Variants in ASPRV1 observed in about 807,000 individuals in gnomAD.
The protein encoded by ASPRV1 is aspartic peptidase retroviral like 1, also known as retroviral-like aspartic protease 1.
A neutral mutation model predicts 11.0 loss-of-function variants in ASPRV1; 7 were observed. The ratio of observed to expected loss-of-function variants is 0.64; its 90% confidence interval spans 0.36 to 1.20. The LOEUF (loss-of-function observed/expected upper bound fraction) is 1.20, where lower values mean the gene tolerates loss of function less well. ASPRV1 is among the 50% of genes most tolerant of loss of function. The probability of loss-of-function intolerance (pLI) is 0.02; values close to 1 mark genes in which losing one functional copy is unlikely to be tolerated. For synonymous variants in ASPRV1, 136 were observed against 138.4 expected, an observed-to-expected ratio of 0.98 and a Z score of 0.12; for missense variants, 299 against 320.0, an observed-to-expected ratio of 0.93 and a Z score of 0.50.
the ASPRV1 span, among the ~76,000 whole-genome samples, chr2:69,984,594 G>A: frequency 7.0e-6 from 1 of 142,342 alleles, no homozygotes; most frequent in Non-Finnish European, 1.5e-5. Context: ...GAGATAGAAA[G>A]GGGATTCAGG....
downstream of ASPRV1, among the ~76,000 whole-genome samples, chr2:69,959,684 C>T (rs550899938): frequency 6.6e-6 from 1 of 152,306 alleles, no homozygotes; most frequent in South Asian, 2.1e-4. Flanking sequence ...CCTGGCCCTG[C>T]TTTCTGCCTC....
the ASPRV1 span, among the ~76,000 whole-genome samples, chr2:70,055,154 T>C: frequency 6.6e-6 from 1 of 151,810 alleles, no homozygotes; most frequent in Non-Finnish European, 1.5e-5. Flanking sequence ...AATACAAAAA[T>C]TAGCCAGGCG....
At chr2:69,940,176 A>G in the ASPRV1 span, 1 of 147,968 alleles carries the variant, frequency 6.8e-6, no homozygotes, top group Admixed American at 6.7e-5. Context: ...AATTTTTGGA[A>G]TCTTTTCCAA....
chr2:70,019,393 C>T, the ASPRV1 span, among the ~76,000 whole-genome samples: 1 of 152,112 alleles, frequency 6.6e-6, no homozygotes. Flanking sequence ...CCATATGATC[C>T]AGCAATACCA....
At chr2:70,066,760 T>C in the ASPRV1 span, among the ~76,000 whole-genome samples, 1 of 151,968 alleles carries the variant, frequency 6.6e-6, no homozygotes, top group East Asian at 1.9e-4. Context: ...AGCACCACAC[T>C]TGGCTAATTT....
the ASPRV1 span, among the ~76,000 whole-genome samples, chr2:69,978,251 T>A: frequency 6.6e-6 from 1 of 152,152 alleles, no homozygotes. Flanking sequence ...CCCAACACTC[T>A]TTCCACCCCT....
chr2:69,987,910 C>T, the ASPRV1 span, among the ~76,000 whole-genome samples: 1 of 152,172 alleles, frequency 6.6e-6, no homozygotes, highest in Non-Finnish European at 1.5e-5. Flanking sequence ...CAAGGCCTCC[C>T]ATTCATTCAT....
chr2:70,067,912 G>A, the ASPRV1 span, among the ~76,000 whole-genome samples: 1 of 152,192 alleles, frequency 6.6e-6, no homozygotes, highest in African/African-American at 2.4e-5. Context: ...AGATTGGGCA[G>A]GAGGAGAAGC....
chr2:69,983,738 G>A, the ASPRV1 span, among the ~76,000 whole-genome samples: 1 of 152,208 alleles, frequency 6.6e-6, no homozygotes, highest in South Asian at 2.1e-4. Flanking sequence ...ATGTGCGGTG[G>A]TCAACAGTTC....
chr2:70,006,554 A>G, the ASPRV1 span, among the ~76,000 whole-genome samples: 1 of 152,132 alleles, frequency 6.6e-6, no homozygotes, highest in Non-Finnish European at 1.5e-5. Context: ...GTTAGAGGGC[A>G]TAAGAGGACA....
At chr2:70,051,838 A>G in the ASPRV1 span, among the ~76,000 whole-genome samples, 1 of 152,186 alleles carries the variant, frequency 6.6e-6, no homozygotes, top group South Asian at 2.1e-4. Context: ...AGCTGGGTGA[A>G]GCAGCACATG....
At chr2:70,016,806 T>C in the ASPRV1 span, among the ~76,000 whole-genome samples, 1 of 151,606 alleles carries the variant, frequency 6.6e-6, no homozygotes, top group South Asian at 2.1e-4. Context: ...ATCACACCAT[T>C]GTCCTCCAGC....
At chr2:70,077,591 C>T in the ASPRV1 span, among the ~76,000 whole-genome samples, 10 of 152,194 alleles carry the variant, frequency 6.6e-5, no homozygotes, top group Admixed American at 1.3e-4. Context: ...CAGTGGCTCA[C>T]ACCTGTAATC....
At chr2:70,001,049 A>G in the ASPRV1 span, among the ~76,000 whole-genome samples, 3 of 152,164 alleles carry the variant, frequency 2.0e-5, no homozygotes, top group Non-Finnish European at 4.4e-5. Context: ...GCACTCTCAT[A>G]GGATTGGTGA....
the ASPRV1 span, among the ~76,000 whole-genome samples, chr2:70,011,103 T>C: frequency 1.3e-5 from 2 of 151,912 alleles, no homozygotes. Context: ...TGGGACCTCC[T>C]TGAGGGTGGA....
the ASPRV1 span, among the ~76,000 whole-genome samples, chr2:70,021,753 A>C: frequency 1.3e-5 from 2 of 151,530 alleles, no homozygotes; most frequent in South Asian, 2.1e-4. Context: ...ACCAGGCTGG[A>C]GTGAGGTGGC....
the ASPRV1 span, among the ~76,000 whole-genome samples, chr2:69,952,396 C>T: frequency 6.6e-6 from 1 of 152,034 alleles, no homozygotes; most frequent in Admixed American, 6.6e-5. Flanking sequence ...GTCCCAGCTA[C>T]CAGGAGGCTG....
the ASPRV1 span, among the ~76,000 whole-genome samples, chr2:70,027,517 A>C: frequency 6.6e-6 from 1 of 152,318 alleles, no homozygotes; most frequent in East Asian, 1.9e-4. Flanking sequence ...CTATCAACAG[A>C]AGAATGGATT....
chr2:69,947,991 A>G, the ASPRV1 span, among the ~76,000 whole-genome samples: 7 of 152,150 alleles, frequency 4.6e-5, no homozygotes, highest in Non-Finnish European at 1.0e-4. Flanking sequence ...TTGCAAGTAA[A>G]TGAGAATAGT....
Sources: gnomAD v4.1 joint callset for allele counts (sites outside exome capture counted in the v4.1 genomes callset) on GRCh38, gnomAD v4.1.1 for gene constraint, MANE v1.5 for transcripts, NCBI Gene and HGNC (gene_info 2026-07-23, HGNC 2026-07-21) for gene names.